Variants in STK32C observed in about 807,000 individuals in gnomAD.
STK32C encodes serine/threonine-protein kinase 32C.
Under a neutral mutation model 56.5 loss-of-function variants are expected in STK32C, and 31 were observed. The ratio of observed to expected loss-of-function variants is 0.55; its 90% confidence interval spans 0.41 to 0.74. STK32C has a LOEUF of 0.74. STK32C is among the 30% of genes least tolerant of loss of function. The pLI, the probability that STK32C is intolerant of heterozygous loss-of-function variation, is 0.00. For missense variants in STK32C, 544 were observed against 676.9 expected (o/e 0.80, Z 2.18); for synonymous variants, 309 against 289.4 (o/e 1.07, Z -0.69).
intron 2 of STK32C, among the ~76,000 whole-genome samples, chr10:132,240,522 A>T (rs1489889529): frequency 1.3e-5 from 2 of 152,060 alleles, no homozygotes; most frequent in African/African-American, 4.8e-5. Context: ...TTCTTCACCC[A>T]CAAACATGCT....
In STK32C at chr10:132,207,765, G is replaced by A. The variant is rs965650207; in HGVS notation, c.*245C>T. ...GAGCGGTAAGAGGGCGCCCAGCAGCGCTTCCTCCATCTAGGCGGGTCTCGG... is the reference window on the plus strand; with the variant it reads ...GAGCGGTAAGAGGGCGCCCAGCAGCACTTCCTCCATCTAGGCGGGTCTCGG... On this transcript the variant is annotated 3_prime_UTR_variant, in exon 12 of 12. Transcript: ENST00000298630. 1.4e-4 allele frequency: 58 copies of A among 408,396 alleles called. No individual in the cohort carries two copies. Among genetic ancestry groups the A allele is most frequent in the Admixed American group, 9.2e-4 (20 of 21,634 alleles). 25.3% of individuals were successfully genotyped at this position (408,396 alleles called of 1,614,324 possible).
chr10:132,258,409 G>T lies in STK32C; in HGVS notation c.263-12454C>A, dbSNP rs552315263. Among the ~76,000 whole-genome samples, 14 of 152,318 alleles carry T rather than the reference G, an allele frequency of 9.2e-5. No homozygotes were observed. The East Asian group carries it at 2.5e-3, about 27-fold the overall frequency. ...TAAAATGGAAAGCGTGGCCCTGGCC[G>T]CCCCCCATCACCCCCCACGGGGCCC... On this transcript the variant is annotated intron_variant, in intron 1 of 11. Transcript: ENST00000298630.
At chr10:132,233,988 A>G (rs1304805426) in intron 2 of STK32C, among the ~76,000 whole-genome samples, 1 of 152,156 alleles carries the variant, frequency 6.6e-6, no homozygotes, top group Non-Finnish European at 1.5e-5. Context: ...TACTATGGAC[A>G]TACTGTTTTC....
At chr10:132,298,838 G>C (rs1481383182) in intron 1 of STK32C, among the ~76,000 whole-genome samples, 2 of 152,166 alleles carry the variant, frequency 1.3e-5, no homozygotes, top group African/African-American at 4.8e-5. Context: ...CAAACCTTCA[G>C]GTGACAGCAG....
At chr10:132,279,640 T>C (rs1271445646) in intron 1 of STK32C, among the ~76,000 whole-genome samples, 2 of 134,310 alleles carry the variant, frequency 1.5e-5, no homozygotes, top group African/African-American at 3.1e-5. Context: ...CTCCACTCCC[T>C]GATCATGCCA....
At chr10:132,312,864 A>C (rs2066246295), upstream of STK32C, among the ~76,000 whole-genome samples, 1 of 151,946 alleles carries the variant, frequency 6.6e-6, no homozygotes, top group Admixed American at 6.5e-5. Flanking sequence ...ACATGGCAAA[A>C]CTCTACCTCT....
intron 1 of STK32C, among the ~76,000 whole-genome samples, chr10:132,250,810 C>T (rs983081223): frequency 2.0e-5 from 3 of 152,238 alleles, no homozygotes; most frequent in Admixed American, 6.5e-5. Context: ...CAAAGGTCAA[C>T]GTCTGGTCCC....
At chr10:132,320,561 C>T (rs12248417), downstream of STK32C, among the ~76,000 whole-genome samples, 4 of 152,092 alleles carry the variant, frequency 2.6e-5, no homozygotes, top group Non-Finnish European at 5.9e-5. Context: ...GCCCTGTTCT[C>T]GGGTTGCTGG....
intron 1 of STK32C, among the ~76,000 whole-genome samples, chr10:132,329,392 T>TA (rs1158432873): frequency 6.6e-6 from 1 of 152,096 alleles, no homozygotes; most frequent in Non-Finnish European, 1.5e-5. Flanking sequence ...CCAGCCTGGG[T>TA]GACAGACTGA....
Position 132,284,290 on chromosome 10 carries a change from G to A in STK32C, c.262+23282C>T, listed in dbSNP as rs575354759. On this transcript the variant is annotated intron_variant, in intron 1 of 11. Transcript: ENST00000298630. ...GTGGAGAACAGGGGCAGGTGAGGTT[G>A]GGGGGGGCAGGTGAGGTTGGGGGGG... Among the ~76,000 whole-genome samples the A allele has an allele frequency of 1.2e-3, 91 of 73,282 alleles. 1 individual carries two copies. The highest frequency in any genetic ancestry group is 4.9e-3 in the African/African-American group (81 of 16,546). 48.1% of individuals were successfully genotyped at this position (73,282 alleles called of 152,430 possible).
chr10:132,263,770 G>A (rs2064388977), intron 1 of STK32C, among the ~76,000 whole-genome samples: 1 of 148,124 alleles, frequency 6.8e-6, no homozygotes. Context: ...GGAGGCTGAG[G>A]CATAAGAACT....
At chr10:132,312,857 TG>T (rs1348584687), upstream of STK32C, among the ~76,000 whole-genome samples, 1 of 152,086 alleles carries the variant, frequency 6.6e-6, no homozygotes, top group East Asian at 1.9e-4. Context: ...CTGGCCAACA[TG>T]GCAAAACTCT....
upstream of STK32C, chr10:132,308,004 G>T (rs1390439677): frequency 4.1e-4 from 394 of 950,340 alleles, 1 homozygote; most frequent in African/African-American, 6.4e-3. Context: ...GGCAGGGGCG[G>T]GGCTTCTGGA....
At chr10:132,227,055 A>C (rs1444607264) in intron 3 of STK32C, 87 bp from the exon 4 acceptor site, 5 of 1,461,884 alleles carry the variant, frequency 3.4e-6, no homozygotes, top group Non-Finnish European at 4.7e-6. Flanking sequence ...CCCCCTAAGG[A>C]CCACAGCCCC....
chr10:132,263,752 G>T (rs552279089), intron 1 of STK32C, among the ~76,000 whole-genome samples: 5 of 151,018 alleles, frequency 3.3e-5, no homozygotes, highest in Non-Finnish European at 7.4e-5. Flanking sequence ...TGTAATCCCA[G>T]CTACTCGGGA....
At chr10:132,280,041 C>T (rs557412964) in intron 1 of STK32C, among the ~76,000 whole-genome samples, 2 of 143,234 alleles carry the variant, frequency 1.4e-5, no homozygotes, top group East Asian at 4.2e-4. Flanking sequence ...GGACACTCCA[C>T]TCCCTGATCA....
chr10:132,227,835 G>C (rs1377666959), intron 3 of STK32C, 142 bp downstream of exon 3: 3 of 1,062,760 alleles, frequency 2.8e-6, no homozygotes, highest in Non-Finnish European at 4.1e-6. Flanking sequence ...GATAGATGAG[G>C]AGGGCTAGAG....
chr10:132,317,356 A>C (rs1410289397), intron 1 of STK32C, among the ~76,000 whole-genome samples: 1 of 152,220 alleles, frequency 6.6e-6, no homozygotes, highest in Non-Finnish European at 1.5e-5. Context: ...TGACACCAAA[A>C]GCATGAATGA....
rs139657808 is a variant in STK32C, at chr10:132,214,610, G to T, written c.1252-5509C>A. ...GAGGAGGAATGAATAGAGGTAAAAT[G>T]AAATTTTTAATTTTTCTTAATTGAT... On this transcript the variant is annotated intron_variant, in intron 10 of 11. Coordinates refer to ENST00000298630, the MANE Select transcript of STK32C (RefSeq NM_173575.4). 1.6e-4 allele frequency among the ~76,000 whole-genome samples: 24 copies of T among 152,324 alleles called. No individual in the cohort carries two copies. In the East Asian group the frequency reaches 3.7e-3, roughly 23 times the overall value.
Sources: gnomAD v4.1 joint callset for allele counts (sites outside exome capture counted in the v4.1 genomes callset) on GRCh38, gnomAD v4.1.1 for gene constraint, MANE v1.5 for transcripts, NCBI Gene and HGNC (gene_info 2026-07-23, HGNC 2026-07-21) for gene names.